The following NR5A2 variants were observed in gnomAD, a reference collection of about 807,000 sequenced individuals.
NR5A2 encodes nuclear receptor subfamily 5 group A member 2.
In NR5A2, 26 loss-of-function variants were observed where a neutral mutation model predicts 62.7. That is an observed-to-expected ratio of 0.41 (90% CI 0.30 to 0.58). The LOEUF is 0.58. Ranked by LOEUF, NR5A2 falls within the 20% of genes least tolerant of loss-of-function variation. NR5A2 has a pLI of 0.22. For missense variants in NR5A2, 541 were observed against 669.1 expected (o/e 0.81, Z 2.11); for synonymous variants, 246 against 241.7 (o/e 1.02, Z -0.16).
chr1:200,051,594 A>G (rs1409831158), intron 5 of NR5A2, among the ~76,000 whole-genome samples: 1 of 152,236 alleles, frequency 6.6e-6, no homozygotes, highest in African/African-American at 2.4e-5. Context: ...TGTTCCCAGA[A>G]GAGAAAGATA....
intron 5 of NR5A2, among the ~76,000 whole-genome samples, chr1:200,104,404 T>A (rs1348383996): frequency 6.6e-6 from 1 of 152,208 alleles, no homozygotes; most frequent in African/African-American, 2.4e-5. Context: ...AGTAAAGGAT[T>A]AATGCAGTTG....
intron 7 of NR5A2, among the ~76,000 whole-genome samples, chr1:200,142,185 C>T (rs1571546579): frequency 1.2e-5 from 1 of 86,618 alleles, no homozygotes; most frequent in Non-Finnish European, 2.3e-5. Flanking sequence ...GTTTTAAAGA[C>T]TTCTTTTTTT....
intron 4 of NR5A2, among the ~76,000 whole-genome samples, chr1:200,046,431 A>T (rs1279835779): frequency 6.6e-6 from 1 of 152,226 alleles, no homozygotes; most frequent in Non-Finnish European, 1.5e-5. Flanking sequence ...TAAAGCAATA[A>T]CAGGGATACA....
At chr1:200,038,731 CCTT>C (rs1661899569) in intron 1 of NR5A2, 2 of 1,366,120 alleles carry the variant, frequency 1.5e-6, no homozygotes, top group African/African-American at 3.0e-5. Flanking sequence ...GGCTGCTTCT[CCTT>C]CGCCGCCACG....
In NR5A2 at chr1:200,123,888, G is replaced by A. The variant is rs77286658; in HGVS notation, c.1378+2933G>A. ...ATGATCTCAGCTCACCACAACCTCC[G>A]CCTCCTGGGTTCAAGTGATTCTCCT... On this transcript the variant is annotated intron_variant, in intron 7 of 7. Transcript: ENST00000367362. Among the ~76,000 whole-genome samples, 3,065 of 150,316 alleles carry A rather than the reference G, an allele frequency of 0.02. 213 individuals carry two copies. The East Asian group carries it at 0.25, about 12-fold the overall frequency.
intron 6 of NR5A2, among the ~76,000 whole-genome samples, chr1:200,118,023 T>C (rs988363671): frequency 1.3e-4 from 18 of 139,588 alleles, no homozygotes; most frequent in South Asian, 2.3e-4. Context: ...CTTTTTCTTT[T>C]TTTTTTTTTT....
chr1:200,173,526 C>T (rs141258616), intron 7 of NR5A2, among the ~76,000 whole-genome samples: 12 of 152,300 alleles, frequency 7.9e-5, no homozygotes, highest in African/African-American at 2.6e-4. Flanking sequence ...GAATTAACTA[C>T]ATCATACCCT....
intron 5 of NR5A2, among the ~76,000 whole-genome samples, chr1:200,063,791 A>G (rs1332707445): frequency 2.6e-5 from 4 of 152,156 alleles, no homozygotes; most frequent in Non-Finnish European, 4.4e-5. Context: ...TTATTCACAT[A>G]TTCATTTATT....
intron 7 of NR5A2, among the ~76,000 whole-genome samples, chr1:200,163,413 A>T (rs186857027): frequency 3.9e-4 from 60 of 151,992 alleles, no homozygotes; most frequent in Middle Eastern, 3.4e-3. Context: ...ACAGCTGCAC[A>T]TAAGACCAAG....
intron 5 of NR5A2, among the ~76,000 whole-genome samples, chr1:200,070,285 G>C (rs1313250935): frequency 6.6e-6 from 1 of 152,172 alleles, no homozygotes; most frequent in East Asian, 1.9e-4. Context: ...TTGAGGAATA[G>C]TTAAGGCACA....
At chr1:200,108,138 G>A (rs1407987895) in intron 5 of NR5A2, among the ~76,000 whole-genome samples, 1 of 150,572 alleles carries the variant, frequency 6.6e-6, no homozygotes, top group Non-Finnish European at 1.5e-5. Context: ...CTGTCACCCA[G>A]CCTGGAATGC....
At chr1:200,065,919 T>A (rs1040336773) in intron 5 of NR5A2, among the ~76,000 whole-genome samples, 2 of 152,048 alleles carry the variant, frequency 1.3e-5, no homozygotes, top group African/African-American at 4.8e-5. Flanking sequence ...TAAAGGAAGG[T>A]CACTACCTAA....
chr1:200,096,864 G>A (rs936116452), intron 5 of NR5A2, among the ~76,000 whole-genome samples: 1 of 152,178 alleles, frequency 6.6e-6, no homozygotes, highest in African/African-American at 2.4e-5. Flanking sequence ...AGGAGCGATA[G>A]ACTATTCCAT....
intron 7 of NR5A2, among the ~76,000 whole-genome samples, chr1:200,159,080 A>T (rs894071838): frequency 6.6e-6 from 1 of 151,600 alleles, no homozygotes; most frequent in African/African-American, 2.4e-5. Context: ...TTTTTTGTCA[A>T]AATGGGATCT....
chr1:200,068,789 T>C (rs778225287), intron 5 of NR5A2, among the ~76,000 whole-genome samples: 2 of 152,212 alleles, frequency 1.3e-5, no homozygotes, highest in Non-Finnish European at 2.9e-5. Flanking sequence ...CTAAGGTATT[T>C]CTTGTGTAGA....
intron 5 of NR5A2, among the ~76,000 whole-genome samples, chr1:200,070,762 C>G (rs1663705585): frequency 1.3e-5 from 2 of 150,210 alleles, no homozygotes; most frequent in Non-Finnish European, 3.0e-5. Context: ...CCCATCCCCC[C>G]CACCAAATAT....
At chr1:200,133,526 T>TATATATATATATATATATATAC (rs1416690757) in intron 7 of NR5A2, among the ~76,000 whole-genome samples, 3 of 87,418 alleles carry the variant, frequency 3.4e-5, no homozygotes, top group East Asian at 2.9e-4. Flanking sequence ...TATATATATA[T>TATATATATATATATATATATAC]ACACACACAT....
intron 7 of NR5A2, among the ~76,000 whole-genome samples, chr1:200,155,466 C>T (rs1382085109): frequency 1.3e-5 from 2 of 152,022 alleles, no homozygotes; most frequent in Non-Finnish European, 2.9e-5. Flanking sequence ...GTGTCTAATG[C>T]CTTAAAGAAG....
At chr1:200,062,834 G>T in intron 5 of NR5A2, among the ~76,000 whole-genome samples, 1 of 152,174 alleles carries the variant, frequency 6.6e-6, no homozygotes, top group East Asian at 1.9e-4. Context: ...GTATTAGCTA[G>T]TTAACACATT....
Sources: allele counts gnomAD v4.1 joint callset (sites outside exome capture counted in the v4.1 genomes callset), GRCh38; gene constraint gnomAD v4.1.1; transcripts MANE v1.5; gene names NCBI Gene and HGNC (gene_info 2026-07-23, HGNC 2026-07-21).